Variants in FGF12 observed in about 807,000 individuals in gnomAD.
The protein encoded by FGF12 is fibroblast growth factor 12.
A neutral mutation model predicts 23.6 loss-of-function variants in FGF12; 14 were observed. The ratio of observed to expected loss-of-function variants is 0.59; its 90% CI spans 0.39 to 0.93. FGF12 has a LOEUF of 0.93. FGF12 is among the 40% of genes least tolerant of loss of function. FGF12 has a pLI of 0.00. For missense variants in FGF12, 175 were observed against 217.8 expected (o/e 0.80, Z 1.24); for synonymous variants, 62 against 77.3 (o/e 0.80, Z 1.04).
In FGF12 at chr3:192,143,964, G is replaced by T; in HGVS notation, c.*45C>A. 8.5e-7 allele frequency: 1 copy of T among 1,169,744 alleles called. No individual in the cohort carries two copies. Among genetic ancestry groups the T allele is most frequent in the Non-Finnish European group, 1.3e-6 (1 of 780,564 alleles). 72.5% of individuals were successfully genotyped at this position (1,169,744 alleles called of 1,614,324 possible). ...AAGGAAATGGGTAAATGGGAAGGAA[G>T]GGAAGGGGAAGGGATGAGAGAGGGA... On this transcript the variant is annotated 3_prime_UTR_variant, in exon 6 of 6. Coordinates refer to ENST00000445105, the MANE Select transcript of FGF12 (RefSeq NM_004113.6).
intron 2 of FGF12, among the ~76,000 whole-genome samples, chr3:192,561,754 G>A (rs1194493142): frequency 6.6e-6 from 1 of 152,078 alleles, no homozygotes; most frequent in Non-Finnish European, 1.5e-5. Flanking sequence ...AATACTTCTA[G>A]AAATGTCACT....
chr3:192,266,184 T>G (rs1030927222), intron 4 of FGF12, among the ~76,000 whole-genome samples: 3 of 152,166 alleles, frequency 2.0e-5, no homozygotes, highest in Non-Finnish European at 2.9e-5. Context: ...CCTCTATGTT[T>G]CCACAGCATT....
At chr3:192,184,184 A>G (rs892228483) in intron 4 of FGF12, among the ~76,000 whole-genome samples, 1 of 152,148 alleles carries the variant, frequency 6.6e-6, no homozygotes, top group Admixed American at 6.6e-5. Context: ...AGATTTTGCC[A>G]CTGTATGCCA....
At chr3:192,518,918 CTCTTCATCT>C (rs940081521) in intron 2 of FGF12, among the ~76,000 whole-genome samples, 29 of 151,584 alleles carry the variant, frequency 1.9e-4, no homozygotes, top group African/African-American at 4.8e-4. Flanking sequence ...CCTTCTCCTT[CTCTTCATCT>C]TCTTCATCTT....
At chr3:192,284,219 C>T (rs1714313876) in intron 4 of FGF12, among the ~76,000 whole-genome samples, 1 of 152,132 alleles carries the variant, frequency 6.6e-6, no homozygotes, top group Non-Finnish European at 1.5e-5. Flanking sequence ...TCTTTCTACA[C>T]TGGAAAGTTC....
chr3:192,559,301 C>T (rs1446102300), intron 2 of FGF12, among the ~76,000 whole-genome samples: 2 of 151,872 alleles, frequency 1.3e-5, no homozygotes, highest in African/African-American at 2.4e-5. Context: ...TGGCAAAGGA[C>T]TTGAGTAGAC....
chr3:192,667,262 G>A (rs1159974897), intron 2 of FGF12, among the ~76,000 whole-genome samples: 1 of 152,072 alleles, frequency 6.6e-6, no homozygotes, highest in Non-Finnish European at 1.5e-5. Flanking sequence ...CTTCTGGAAA[G>A]GTCACAGAGG....
intron 2 of FGF12, among the ~76,000 whole-genome samples, chr3:192,709,525 A>G (rs1474891613): frequency 6.6e-6 from 1 of 152,194 alleles, no homozygotes; most frequent in Non-Finnish European, 1.5e-5. Context: ...TGGAAAGTAT[A>G]TTACTATGAG....
intron 2 of FGF12, among the ~76,000 whole-genome samples, chr3:192,608,025 A>C (rs1714410898): frequency 6.6e-6 from 1 of 152,120 alleles, no homozygotes; most frequent in Admixed American, 6.6e-5. Flanking sequence ...GCCATTGTTA[A>C]GTGAAATAAG....
chr3:192,183,952 G>C (rs1173370488), intron 4 of FGF12, among the ~76,000 whole-genome samples: 1 of 152,146 alleles, frequency 6.6e-6, no homozygotes, highest in African/African-American at 2.4e-5. Context: ...TCCAGGCATG[G>C]TGGCTCACAC....
intron 4 of FGF12, among the ~76,000 whole-genome samples, chr3:192,255,808 G>A (rs992378670): frequency 1.8e-4 from 28 of 151,988 alleles, no homozygotes; most frequent in African/African-American, 6.8e-4. Context: ...TTTTCCTAGA[G>A]ATGTGCCTAT....
chr3:192,562,401 T>C (rs1033754338), intron 2 of FGF12, among the ~76,000 whole-genome samples: 1 of 152,064 alleles, frequency 6.6e-6, no homozygotes, highest in Non-Finnish European at 1.5e-5. Context: ...AATTAGACAA[T>C]AGAAACACAA....
intron 3 of FGF12, among the ~76,000 whole-genome samples, chr3:192,353,253 T>C (rs1718305733): frequency 6.6e-6 from 1 of 152,120 alleles, no homozygotes; most frequent in Admixed American, 6.5e-5. Flanking sequence ...TTAAATACTA[T>C]GTATTCTGCC....
intron 2 of FGF12, among the ~76,000 whole-genome samples, chr3:192,513,944 C>A (rs1277986333): frequency 6.6e-6 from 1 of 152,192 alleles, no homozygotes; most frequent in African/African-American, 2.4e-5. Flanking sequence ...AAACAGCACA[C>A]CATTTTGCAA....
chr3:192,643,665 T>C (rs1037503498), intron 2 of FGF12, among the ~76,000 whole-genome samples: 7 of 152,254 alleles, frequency 4.6e-5, no homozygotes, highest in South Asian at 2.1e-4. Context: ...ACTTTATTAG[T>C]GTCCATTTCC....
At chr3:192,562,941 A>G (rs2108595936) in intron 2 of FGF12, among the ~76,000 whole-genome samples, 1 of 152,270 alleles carries the variant, frequency 6.6e-6, no homozygotes, top group South Asian at 2.1e-4. Flanking sequence ...ACTGAAACCA[A>G]CACTGTTTGG....
chr3:192,644,754 G>A (rs949832693), intron 2 of FGF12, among the ~76,000 whole-genome samples: 7 of 152,134 alleles, frequency 4.6e-5, no homozygotes, highest in African/African-American at 7.2e-5. Flanking sequence ...TGAAGCCTAC[G>A]TCAGCAGAGA....
intron 2 of FGF12, among the ~76,000 whole-genome samples, chr3:192,614,745 T>A (rs1489071441): frequency 6.6e-6 from 1 of 152,092 alleles, no homozygotes; most frequent in Non-Finnish European, 1.5e-5. Context: ...AGACAGAGTT[T>A]CAGGTAACTG....
intron 4 of FGF12, among the ~76,000 whole-genome samples, chr3:192,253,712 T>C (rs1402129599): frequency 6.6e-6 from 1 of 152,050 alleles, no homozygotes; most frequent in Admixed American, 6.6e-5. Flanking sequence ...AAGTCGGATG[T>C]TTTCCTGAGA....
Sources: allele counts gnomAD v4.1 joint callset (sites outside exome capture counted in the v4.1 genomes callset), GRCh38; gene constraint gnomAD v4.1.1; transcripts MANE v1.5; gene names NCBI Gene and HGNC (gene_info 2026-07-23, HGNC 2026-07-21).